MYO3A: variants seen among roughly 807,000 people sequenced by gnomAD.
The protein encoded by MYO3A is myosin-IIIa.
Under a neutral mutation model 192.7 loss-of-function variants are expected in MYO3A, and 180 were observed. That is an observed-to-expected ratio of 0.93 (90% CI 0.83 to 1.06). The LOEUF is 1.06. Ranked by LOEUF, MYO3A falls within the 50% of genes least tolerant of loss-of-function variation. The probability of loss-of-function intolerance (pLI) is 0.00; values close to 1 mark genes in which losing one functional copy is unlikely to be tolerated. For missense variants in MYO3A, 1,896 were observed against 1,905.0 expected, an observed-to-expected ratio of 1.00 and a Z score of 0.09; for synonymous variants, 628 against 645.3, an observed-to-expected ratio of 0.97 and a Z score of 0.41.
At chr10:26,019,263 A>T (rs868734358) in intron 7 of MYO3A, among the ~76,000 whole-genome samples, 127 of 80,338 alleles carry the variant, frequency 1.6e-3, no homozygotes, top group African/African-American at 5.7e-3. Flanking sequence ...TTATTTATTT[A>T]TTTATTTTTT....
chr10:26,165,977 A>G, intron 26 of MYO3A, 90 bp from the exon 27 acceptor site: 2 of 1,053,544 alleles, frequency 1.9e-6, no homozygotes, highest in Non-Finnish European at 3.0e-6. Flanking sequence ...TCTCTTCCTC[A>G]GCCCCTGCAC....
chr10:26,131,929 CA>C, intron 20 of MYO3A, among the ~76,000 whole-genome samples: 1 of 152,040 alleles, frequency 6.6e-6, no homozygotes, highest in Admixed American at 6.5e-5. Context: ...GAGTTGCAGC[CA>C]AAAAGTATAT....
At chr10:26,002,000 T>C (rs1423248230) in intron 6 of MYO3A, among the ~76,000 whole-genome samples, 2 of 152,100 alleles carry the variant, frequency 1.3e-5, no homozygotes, top group Non-Finnish European at 2.9e-5. Flanking sequence ...AGGGATGCCA[T>C]CTGAGAAATG....
intron 15 of MYO3A, among the ~76,000 whole-genome samples, chr10:26,090,064 C>T (rs1212595022): frequency 1.3e-5 from 2 of 152,152 alleles, no homozygotes; most frequent in Admixed American, 6.5e-5. Context: ...CTAGAAGGAC[C>T]GCGGGATCTT....
At chr10:26,057,181 A>G (rs1335254397) in intron 10 of MYO3A, among the ~76,000 whole-genome samples, 1 of 152,222 alleles carries the variant, frequency 6.6e-6, no homozygotes, top group Non-Finnish European at 1.5e-5. Flanking sequence ...GGTTCTGTGA[A>G]TTAAGATTGT....
chr10:26,138,939 A>G (rs981881826), intron 20 of MYO3A, among the ~76,000 whole-genome samples: 1 of 152,236 alleles, frequency 6.6e-6, no homozygotes, highest in South Asian at 2.1e-4. Flanking sequence ...TTTTCAAGAA[A>G]GTCCTGGAGC....
At chr10:26,121,241 C>T (rs1838841485) in intron 18 of MYO3A, among the ~76,000 whole-genome samples, 1 of 151,184 alleles carries the variant, frequency 6.6e-6, no homozygotes, top group Non-Finnish European at 1.5e-5. Context: ...ATCATTTCTA[C>T]ACAAGAGAAG....
In MYO3A at chr10:26,125,622, C is replaced by G. The variant is rs1370647362; in HGVS notation, c.2114+14C>G. 6.2e-7 allele frequency: 1 copy of G among 1,608,572 alleles called. No individual in the cohort carries two copies. Among genetic ancestry groups the G allele is most frequent in the Non-Finnish European group, 8.5e-7 (1 of 1,175,422 alleles). The stretch of plus-strand genomic sequence containing the variant: ...CTCATCACCAAGGTAAAAATTTTTA[C>G]AGAAACATTTTTTTCCCAAATGTCA... On this transcript the variant is annotated intron_variant, in intron 19 of 34. Transcript: ENST00000642920.
chr10:26,065,597 A>AC (rs1834776698), intron 10 of MYO3A, among the ~76,000 whole-genome samples: 4 of 119,432 alleles, frequency 3.3e-5, no homozygotes, highest in Admixed American at 8.2e-5. Context: ...AAAAAAAAAA[A>AC]AAAAAAAAAA....
At chr10:26,048,612 A>G (rs963422413) in intron 10 of MYO3A, among the ~76,000 whole-genome samples, 20 of 152,124 alleles carry the variant, frequency 1.3e-4, no homozygotes, top group African/African-American at 4.8e-4. Context: ...TGGGCAGCCC[A>G]GACTAAAGTA....
At chr10:26,008,179 T>C (rs1841365648) in intron 6 of MYO3A, among the ~76,000 whole-genome samples, 1 of 147,958 alleles carries the variant, frequency 6.8e-6, no homozygotes, top group African/African-American at 2.6e-5. Context: ...TGGCTAGTCA[T>C]ATGTAGAAAG....
chr10:26,081,335 G>A (rs1462947030), intron 14 of MYO3A, among the ~76,000 whole-genome samples: 4 of 152,038 alleles, frequency 2.6e-5, no homozygotes, highest in African/African-American at 9.7e-5. Flanking sequence ...CAGGTTGTCA[G>A]GGAAATGGGG....
intron 32 of MYO3A, among the ~76,000 whole-genome samples, chr10:26,199,936 A>C (rs1330748221): frequency 2.0e-5 from 3 of 152,170 alleles, no homozygotes; most frequent in Non-Finnish European, 4.4e-5. Flanking sequence ...AACAGAAACA[A>C]CCACCACAAC....
At chr10:25,955,199 G>C (rs867352993) in intron 4 of MYO3A, among the ~76,000 whole-genome samples, 191 bp downstream of exon 4, 1 of 152,190 alleles carries the variant, frequency 6.6e-6, no homozygotes, top group Middle Eastern at 3.4e-3. Flanking sequence ...AAGCCACAAA[G>C]ACTAGTAAAT....
chr10:26,160,084 G>A (rs1306485899), intron 26 of MYO3A, among the ~76,000 whole-genome samples: 5 of 151,940 alleles, frequency 3.3e-5, no homozygotes, highest in African/African-American at 1.2e-4. Flanking sequence ...AGAAAAAAAT[G>A]AGATCTTTAA....
At chr10:25,966,182 C>T (rs967348842) in intron 4 of MYO3A, among the ~76,000 whole-genome samples, 4 of 152,072 alleles carry the variant, frequency 2.6e-5, no homozygotes, top group South Asian at 2.1e-4. Flanking sequence ...CCTGAAGCCA[C>T]GATATACTTT....
Position 26,096,426 on chromosome 10 carries a change from G to A in MYO3A, c.1608G>A (p.Leu536=). Residue 536 remains leucine (L), a synonymous_variant, in exon 16 of 35, where the codon TTG becomes TTA. Coordinates refer to ENST00000642920, the MANE Select transcript of MYO3A (RefSeq NM_017433.5). ...FHIFYYIYAG[L]AEKKKLAHYK... The stretch of plus-strand genomic sequence containing the variant: ...TTTTTTACTACATTTATGCTGGTTT[G>A]GCTGAAAAGAAGAAACTAGCCCATT... The A allele has an allele frequency of 1.2e-6, 2 of 1,613,522 alleles. No homozygotes were observed. The highest frequency in any genetic ancestry group is 1.7e-6 in the Non-Finnish European group (2 of 1,179,834).
At chr10:26,037,668 T>G (rs1366456827) in intron 10 of MYO3A, among the ~76,000 whole-genome samples, 1 of 152,178 alleles carries the variant, frequency 6.6e-6, no homozygotes, top group African/African-American at 2.4e-5. Flanking sequence ...TACCTGAGAC[T>G]GGGTAATTTA....
rs1047343702 is a variant in MYO3A at position 25,953,262 on chromosome 10, G to A, written c.168+984G>A. ...TCTGAGTCTCCATTTGTTCGTCTTA[G>A]GGTTGCTGTTTCTTTTTTTATTTTT... On this transcript the variant is annotated intron_variant, in intron 3 of 34. Transcript: ENST00000642920. Among the ~76,000 whole-genome samples, 8 of 151,940 alleles carry A rather than the reference G, an allele frequency of 5.3e-5. No individual in the cohort carries two copies. The East Asian group carries it at 1.3e-3, about 26-fold the overall frequency.
Sources: gnomAD v4.1 joint callset for allele counts (sites outside exome capture counted in the v4.1 genomes callset) on GRCh38, gnomAD v4.1.1 for gene constraint, MANE v1.5 for transcripts, NCBI Gene and HGNC (gene_info 2026-07-23, HGNC 2026-07-21) for gene names.